GSR: variants seen among roughly 807,000 people sequenced by gnomAD.
GSR encodes the protein glutathione-disulfide reductase.
GSR carries 48 observed loss-of-function variants against 56.5 expected under a neutral mutation model. The observed-to-expected ratio is 0.85, with a 90% CI of 0.67 to 1.08. The LOEUF is 1.08. Among genes scored for constraint, GSR ranks in the 50% least tolerant of loss-of-function variants. The pLI is 0.00. For synonymous variants in GSR, 264 were observed against 270.8 expected, an observed-to-expected ratio of 0.97 and a Z score of 0.25; for missense variants, 694 against 703.3, an observed-to-expected ratio of 0.99 and a Z score of 0.15.
intron 3 of GSR, 50 bp from the exon 4 acceptor site, chr8:30,708,191 G>T: frequency 7.6e-7 from 1 of 1,308,964 alleles, no homozygotes; most frequent in Non-Finnish European, 1.1e-6. Flanking sequence ...TCCCCTTCTA[G>T]TTAGTAACTA....
chr8:30,679,954 C>T (rs1339878998), intron 12 of GSR, among the ~76,000 whole-genome samples: 5 of 152,094 alleles, frequency 3.3e-5, no homozygotes, highest in African/African-American at 7.2e-5. Flanking sequence ...ATCCACCCAC[C>T]TCAGCCTCCC....
At chr8:30,725,312 G>A (rs1392972741) in intron 1 of GSR, among the ~76,000 whole-genome samples, 2 of 151,986 alleles carry the variant, frequency 1.3e-5, no homozygotes, top group Non-Finnish European at 2.9e-5. Flanking sequence ...CAGGCCAGGC[G>A]TGGTGGCTCA....
chr8:30,681,014 T>C lies in GSR; in HGVS notation c.1309A>G (p.Ile437Val). The C allele has an allele frequency of 6.8e-6, 11 of 1,610,556 alleles. No individual in the cohort carries two copies. Among genetic ancestry groups the C allele is most frequent in the Non-Finnish European group, 9.3e-6 (11 of 1,176,976 alleles). Residue 437 changes from isoleucine (I) to valine (V), a missense_variant, in exon 12 of 13, where the codon ATA becomes GTA. Coordinates refer to ENST00000221130, the MANE Select transcript of GSR (RefSeq NM_000637.5). ...GTTGAATAGGTCTTCACATTTTCTATTCCATATTTATGAATGGCTTCATCT... is the reference window on the plus strand; with the variant it reads ...GTTGAATAGGTCTTCACATTTTCTACTCCATATTTATGAATGGCTTCATCT... ...TEDEAIHKYG[I>V]ENVKTYSTSF... is the part of the protein sequence containing the mutation.
At chr8:30,695,803 G>T (rs745791548) in intron 7 of GSR, among the ~76,000 whole-genome samples, 2 of 152,114 alleles carry the variant, frequency 1.3e-5, no homozygotes, top group Non-Finnish European at 2.9e-5. Context: ...ACTTTGGGAG[G>T]TCGAGGTGGG....
chr8:30,696,866 T>C (rs1235823821), intron 6 of GSR, among the ~76,000 whole-genome samples: 1 of 152,122 alleles, frequency 6.6e-6, no homozygotes, highest in Non-Finnish European at 1.5e-5. Context: ...CAGCTAAGTT[T>C]TATATTTTCT....
chr8:30,696,160 A>C (rs913876748), intron 7 of GSR, among the ~76,000 whole-genome samples: 2 of 152,160 alleles, frequency 1.3e-5, no homozygotes, highest in African/African-American at 4.8e-5. Flanking sequence ...TTAGTGATGA[A>C]ATTACCAGCC....
chr8:30,692,108 GA>G (rs372829819), intron 8 of GSR, among the ~76,000 whole-genome samples: 23,967 of 96,068 alleles, frequency 0.25, 2,248 homozygotes, highest in South Asian at 0.41. Flanking sequence ...GTCTCAAAAA[GA>G]AAAAAAAAAA....
Position 30,698,413 on chromosome 8 carries a change from G to A in GSR, c.695+1668C>T, listed in dbSNP as rs147077121. On this transcript the variant is annotated intron_variant, in intron 6 of 12. Transcript: ENST00000221130. The stretch of plus-strand genomic sequence containing the variant: ...TATGTCTCACTACATCCTCACATAT[G>A]TCATGTCACTCAACCCTAAAATCAA... Among the ~76,000 whole-genome samples, 31 of 152,242 alleles carry A rather than the reference G, an allele frequency of 2.0e-4. 1 individual carries two copies. In the East Asian group the frequency reaches 5.8e-3, roughly 28 times the overall value.
intron 9 of GSR, among the ~76,000 whole-genome samples, chr8:30,684,962 TTTATTTATTTATTTATTTA>T (rs1303754039): frequency 7.0e-6 from 1 of 143,798 alleles, no homozygotes; most frequent in Non-Finnish European, 1.5e-5. Context: ...TATTTATTTA[TTTATTTATTTATTTATTTA>T]TTTATTGAGA....
At chr8:30,710,714 CAAAAAAA>C (rs60532553) in intron 2 of GSR, among the ~76,000 whole-genome samples, 1 of 51,044 alleles carries the variant, frequency 2.0e-5, no homozygotes, top group African/African-American at 6.6e-5. Context: ...GACTCTGTCT[CAAAAAAA>C]AAAAAAAAAA....
At chr8:30,718,053 A>G (rs1009856507) in intron 1 of GSR, among the ~76,000 whole-genome samples, 54 of 152,174 alleles carry the variant, frequency 3.5e-4, no homozygotes, top group African/African-American at 1.1e-3. Flanking sequence ...GTGAGCCGAG[A>G]TCATGCCATT....
intron 1 of GSR, among the ~76,000 whole-genome samples, chr8:30,725,061 C>T (rs1804680264): frequency 1.3e-5 from 2 of 152,062 alleles, no homozygotes; most frequent in Admixed American, 1.3e-4. Flanking sequence ...CTTTCACAAC[C>T]ACAAAATTCC....
At chr8:30,708,002 T>G (rs960497148) in intron 4 of GSR, 70 bp downstream of exon 4, 1 of 940,152 alleles carries the variant, frequency 1.1e-6, no homozygotes, top group African/African-American at 1.6e-5. Context: ...GGCTACAGTC[T>G]GGCAAGACTT....
intron 4 of GSR, among the ~76,000 whole-genome samples, chr8:30,706,432 G>A (rs1353386756): frequency 2.0e-5 from 3 of 152,126 alleles, no homozygotes; most frequent in Non-Finnish European, 4.4e-5. Context: ...GAACCTGGGA[G>A]GCAGAGGTCG....
At chr8:30,694,922 G>A (rs7830949) in intron 7 of GSR, among the ~76,000 whole-genome samples, 11 of 130,934 alleles carry the variant, frequency 8.4e-5, no homozygotes, top group African/African-American at 2.4e-4. Flanking sequence ...AAAAAAATTA[G>A]TCAGGGCATG....
chr8:30,706,950 C>T, intron 4 of GSR: 1 of 152,278 alleles, frequency 6.6e-6, no homozygotes, highest in Non-Finnish European at 1.5e-5. Context: ...CCCTGGCCAA[C>T]ATGGTGAAAT....
chr8:30,717,249 GAAAC>G (rs8190908), intron 1 of GSR, among the ~76,000 whole-genome samples: 2 of 151,862 alleles, frequency 1.3e-5, no homozygotes, highest in South Asian at 2.1e-4. Flanking sequence ...AAAGAAAAAG[GAAAC>G]AAACAAACAA....
At chr8:30,702,670 C>T (rs1256447990) in intron 5 of GSR, among the ~76,000 whole-genome samples, 3 of 152,122 alleles carry the variant, frequency 2.0e-5, no homozygotes, top group South Asian at 2.1e-4. Flanking sequence ...TGGCTGGGCA[C>T]GGTGGCCTGC....
At chr8:30,692,822 G>T in intron 8 of GSR, 147 bp downstream of exon 8, 1 of 686,390 alleles carries the variant, frequency 1.5e-6, no homozygotes, top group Non-Finnish European at 2.7e-6. Flanking sequence ...TTCTTAGGAG[G>T]AAGGAAATAA....
Sources: allele counts gnomAD v4.1 joint callset (sites outside exome capture counted in the v4.1 genomes callset), GRCh38; gene constraint gnomAD v4.1.1; transcripts MANE v1.5; gene names NCBI Gene and HGNC (gene_info 2026-07-23, HGNC 2026-07-21).